The following SNCAIP variants were observed in gnomAD, a reference collection of about 807,000 sequenced individuals.
SNCAIP encodes synuclein alpha interacting protein, also known as synphilin-1.
Under a neutral mutation model 86.7 loss-of-function variants are expected in SNCAIP, and 43 were observed. That is an observed-to-expected ratio of 0.50 (90% CI 0.39 to 0.64). The LOEUF (loss-of-function observed/expected upper bound fraction) is 0.64, where lower values mean the gene tolerates loss of function less well. SNCAIP is among the 30% of genes least tolerant of loss of function. SNCAIP has a pLI of 0.00. For synonymous variants in SNCAIP, 417 were observed against 427.2 expected, an observed-to-expected ratio of 0.98 and a Z score of 0.29; for missense variants, 981 against 1,103.1, an observed-to-expected ratio of 0.89 and a Z score of 1.57.
intron 1 of SNCAIP, among the ~76,000 whole-genome samples, chr5:122,341,756 G>C (rs142407121): frequency 2.7e-4 from 41 of 152,160 alleles, no homozygotes; most frequent in African/African-American, 9.4e-4. Context: ...TTTTGAGCAG[G>C]CTCCAACCAT....
At chr5:122,331,373 G>A (rs902959221) in intron 1 of SNCAIP, among the ~76,000 whole-genome samples, 4 of 151,984 alleles carry the variant, frequency 2.6e-5, no homozygotes, top group Admixed American at 6.5e-5. Context: ...TAACAGAAAG[G>A]CTCCTTAAAA....
chr5:122,359,914 A>G (rs776808678), intron 1 of SNCAIP, among the ~76,000 whole-genome samples: 18 of 152,190 alleles, frequency 1.2e-4, no homozygotes, highest in Non-Finnish European at 2.2e-4. Flanking sequence ...TTTAACATGT[A>G]TTGCTAGCCA....
intron 7 of SNCAIP, chr5:122,444,149 T>C (rs1435441957): frequency 4.4e-6 from 2 of 459,164 alleles, no homozygotes; most frequent in Non-Finnish European, 8.8e-6. Flanking sequence ...CAAAACCAAT[T>C]ACCAGAGACC....
At chr5:122,382,552 C>T (rs1297868138) in intron 1 of SNCAIP, among the ~76,000 whole-genome samples, 1 of 152,242 alleles carries the variant, frequency 6.6e-6, no homozygotes. Context: ...TCGTCAAAGT[C>T]ATTCTCCATC....
intron 1 of SNCAIP, among the ~76,000 whole-genome samples, chr5:122,359,349 T>TTTTTTTTATTTATTTATTTATTTA (rs372903978): frequency 1.8e-4 from 25 of 142,236 alleles, no homozygotes; most frequent in South Asian, 1.6e-3. Flanking sequence ...AGATTTTTAT[T>TTTTTTTTATTTATTTATTTATTTA]TTTATTTATT....
At chr5:122,448,188 A>T (rs1238002321) in intron 8 of SNCAIP, among the ~76,000 whole-genome samples, 2 of 152,184 alleles carry the variant, frequency 1.3e-5, no homozygotes, top group Non-Finnish European at 2.9e-5. Context: ...ATTTTAAGAA[A>T]ATTTATGATA....
At chr5:122,384,719 G>C (rs1204627811) in intron 1 of SNCAIP, among the ~76,000 whole-genome samples, 1 of 152,294 alleles carries the variant, frequency 6.6e-6, no homozygotes, top group South Asian at 2.1e-4. Context: ...CTAGGAGCTG[G>C]AGCAGGCTCA....
chr5:122,317,176 T>C (rs1283835075), intron 1 of SNCAIP, among the ~76,000 whole-genome samples: 2 of 152,202 alleles, frequency 1.3e-5, no homozygotes, highest in Non-Finnish European at 1.5e-5. Flanking sequence ...TGTAGGTTTT[T>C]TAAATCCACC....
At chr5:122,411,578 T>A (rs533243112) in intron 3 of SNCAIP, among the ~76,000 whole-genome samples, 42 of 151,628 alleles carry the variant, frequency 2.8e-4, no homozygotes, top group Non-Finnish European at 4.9e-4. Flanking sequence ...AAAAAAAAAG[T>A]CATAAAGTAA....
intron 7 of SNCAIP, 78 bp from the exon 8 acceptor site, chr5:122,444,485 T>A (rs1396062544): frequency 7.5e-7 from 1 of 1,341,976 alleles, no homozygotes; most frequent in African/African-American, 1.4e-5. Flanking sequence ...CTTCATACTA[T>A]TCAACATTCT....
chr5:122,445,305 C>G (rs1439449440), intron 8 of SNCAIP, among the ~76,000 whole-genome samples: 1 of 152,172 alleles, frequency 6.6e-6, no homozygotes, highest in East Asian at 1.9e-4. Context: ...CACTTCACGA[C>G]TAATTACAGT....
intron 1 of SNCAIP, among the ~76,000 whole-genome samples, chr5:122,354,114 G>A (rs944193152): frequency 1.3e-5 from 2 of 152,180 alleles, no homozygotes. Context: ...TAACCTCACA[G>A]TTTAGAATTC....
chr5:122,322,057 A>T (rs1015612047), intron 1 of SNCAIP, among the ~76,000 whole-genome samples: 1 of 152,246 alleles, frequency 6.6e-6, no homozygotes, highest in African/African-American at 2.4e-5. Context: ...GCCAACTGAC[A>T]TATATAGAAC....
In SNCAIP at chr5:122,444,582, C is replaced by T; in HGVS notation, c.1442C>T (p.Ala481Val). ...GCIQTLVEYG[A>V]NVTMQNHAGE... Reference sequence around the variant, plus strand: ...TGACAGACCTTGGTTGAATATGGAGCAAATGTCACCATGCAGAACCACGCT... The same window carrying T: ...TGACAGACCTTGGTTGAATATGGAGTAAATGTCACCATGCAGAACCACGCT... Residue 481 changes from alanine (A) to valine (V), a missense_variant, in exon 8 of 11, where the codon GCA (alanine) becomes GTA (valine). Physicochemically the swap from Ala to Val is moderately conservative, Grantham distance 64 (BLOSUM62 0). Transcript: ENST00000261368. 1 of 1,614,134 alleles carries T rather than the reference C, an allele frequency of 6.2e-7. No individual in the cohort carries two copies. Among genetic ancestry groups the T allele is most frequent in the Non-Finnish European group, 8.5e-7 (1 of 1,179,980 alleles).
intron 1 of SNCAIP, chr5:122,389,823 A>G (rs190748388): frequency 2.5e-4 from 38 of 152,150 alleles, no homozygotes; most frequent in African/African-American, 8.7e-4. Flanking sequence ...TACATATGGG[A>G]AAAAAAGGAG....
chr5:122,397,511 TA>T (rs1035308420), intron 2 of SNCAIP, among the ~76,000 whole-genome samples: 2 of 151,904 alleles, frequency 1.3e-5, no homozygotes, highest in Admixed American at 6.6e-5. Flanking sequence ...TAAAAGAATT[TA>T]AAAAAAACTT....
intron 8 of SNCAIP, among the ~76,000 whole-genome samples, chr5:122,447,715 T>A (rs1437142161): frequency 6.6e-6 from 1 of 152,236 alleles, no homozygotes; most frequent in Non-Finnish European, 1.5e-5. Context: ...AATTATAGAC[T>A]GTGGACCAAA....
At chr5:122,351,364 C>A (rs1030185001) in intron 1 of SNCAIP, among the ~76,000 whole-genome samples, 5 of 151,556 alleles carry the variant, frequency 3.3e-5, no homozygotes, top group African/African-American at 1.2e-4. Context: ...TGGCGAAACA[C>A]CATCTCTACT....
chr5:122,454,594 A>T (rs1186409379), intron 10 of SNCAIP: 1 of 152,612 alleles, frequency 6.6e-6, no homozygotes, highest in East Asian at 1.9e-4. Flanking sequence ...CATTTCTCCT[A>T]ACCTGGGTTC....
Sources: allele counts gnomAD v4.1 joint callset (sites outside exome capture counted in the v4.1 genomes callset), GRCh38; gene constraint gnomAD v4.1.1; transcripts MANE v1.5; gene names NCBI Gene and HGNC (gene_info 2026-07-23, HGNC 2026-07-21).